DPP6: variants seen among roughly 807,000 people sequenced by gnomAD.
DPP6 encodes A-type potassium channel modulatory protein DPP6.
In DPP6, 69 loss-of-function variants were observed where a neutral mutation model predicts 122.6. The observed-to-expected ratio is 0.56, with a 90% CI of 0.46 to 0.69. DPP6 has a LOEUF of 0.69. DPP6 is among the 30% of genes least tolerant of loss of function. The pLI, the probability that DPP6 is intolerant of heterozygous loss-of-function variation, is 0.00. For missense variants in DPP6, 928 were observed against 1,116.9 expected (o/e 0.83, Z 2.41); for synonymous variants, 418 against 433.1 (o/e 0.97, Z 0.43).
At chr7:154,309,168 A>G (rs1806634112) in intron 1 of DPP6, among the ~76,000 whole-genome samples, 2 of 152,222 alleles carry the variant, frequency 1.3e-5, no homozygotes, top group Admixed American at 1.3e-4. Flanking sequence ...CCTACATTCC[A>G]CTGGCTAACT....
chr7:154,482,442 G>T (rs945900221), intron 3 of DPP6, among the ~76,000 whole-genome samples: 4 of 152,090 alleles, frequency 2.6e-5, no homozygotes, highest in Non-Finnish European at 5.9e-5. Context: ...CTACACATTT[G>T]TTATATGTAT....
chr7:154,810,618 C>G (rs746066030), intron 16 of DPP6, among the ~76,000 whole-genome samples: 4 of 152,228 alleles, frequency 2.6e-5, no homozygotes, highest in Non-Finnish European at 5.9e-5. Context: ...GGGAGGAAAA[C>G]AGAAGCAAAG....
At chr7:153,998,006 C>T (rs965459635) in intron 1 of DPP6, among the ~76,000 whole-genome samples, 1 of 151,502 alleles carries the variant, frequency 6.6e-6, no homozygotes, top group African/African-American at 2.5e-5. Flanking sequence ...AAAGGTCCAG[C>T]ACCATCAGGA....
chr7:153,808,210 TGTGCCTGAGTGTGC>T, the DPP6 span, among the ~76,000 whole-genome samples: 48 of 144,924 alleles, frequency 3.3e-4, no homozygotes, highest in East Asian at 2.5e-3. Context: ...CCTGAGTGTG[TGTGCCTGAGTGTGC>T]GTGCCTGAGT....
intron 1 of DPP6, among the ~76,000 whole-genome samples, chr7:153,891,757 G>A (rs1353042436): frequency 1.3e-5 from 2 of 152,308 alleles, no homozygotes; most frequent in Non-Finnish European, 2.9e-5. Context: ...ACATCTTGGG[G>A]ACTGTCCTGT....
chr7:154,692,718 G>A (rs73730207), intron 7 of DPP6, among the ~76,000 whole-genome samples: 6,891 of 151,712 alleles, frequency 0.045, 517 homozygotes, highest in African/African-American at 0.16. Context: ...CACTGAAAGC[G>A]CATCTACCCA....
intron 5 of DPP6, among the ~76,000 whole-genome samples, chr7:154,595,204 C>CA (rs1211459732): frequency 1.3e-5 from 2 of 152,140 alleles, no homozygotes; most frequent in East Asian, 3.9e-4. Flanking sequence ...TCTCCGTTGC[C>CA]ATCTTCCTGC....
At chr7:154,304,898 C>T (rs1806154771) in intron 1 of DPP6, among the ~76,000 whole-genome samples, 1 of 152,194 alleles carries the variant, frequency 6.6e-6, no homozygotes, top group African/African-American at 2.4e-5. Context: ...CTGGCGCGCC[C>T]TGCGTGGGGG....
chr7:154,020,481 G>T (rs563129663), intron 1 of DPP6, among the ~76,000 whole-genome samples: 2 of 151,868 alleles, frequency 1.3e-5, no homozygotes, highest in Admixed American at 6.6e-5. Flanking sequence ...TAGAGTCTCA[G>T]GTAGTTCAAG....
At chr7:154,803,292 C>T (rs1473414125) in intron 13 of DPP6, among the ~76,000 whole-genome samples, 1 of 152,198 alleles carries the variant, frequency 6.6e-6, no homozygotes, top group Admixed American at 6.5e-5. Context: ...TACCATTGGT[C>T]GTTACCATTG....
intron 4 of DPP6, among the ~76,000 whole-genome samples, chr7:154,550,923 T>C (rs1167690015): frequency 1.3e-5 from 2 of 152,068 alleles, no homozygotes; most frequent in African/African-American, 4.8e-5. Context: ...GCTAATTTTT[T>C]GTATTTTTAG....
At chr7:154,887,621 G>T in intron 22 of DPP6, 55 bp from the exon 23 acceptor site, 1 of 1,595,698 alleles carries the variant, frequency 6.3e-7, no homozygotes, top group Non-Finnish European at 8.6e-7. Flanking sequence ...TTTGGGGGCT[G>T]CGCTCACAGG....
chr7:154,637,600 T>C (rs1835807620), intron 5 of DPP6, among the ~76,000 whole-genome samples: 1 of 152,182 alleles, frequency 6.6e-6, no homozygotes, highest in Non-Finnish European at 1.5e-5. Flanking sequence ...GGAGATGACA[T>C]CAAGCCTCTG....
intron 7 of DPP6, among the ~76,000 whole-genome samples, chr7:154,682,558 G>C (rs1021497426): frequency 2.6e-5 from 4 of 152,230 alleles, no homozygotes; most frequent in African/African-American, 9.6e-5. Flanking sequence ...CGTGGAGACA[G>C]AGAGGGCACA....
intron 1 of DPP6, among the ~76,000 whole-genome samples, chr7:154,329,824 T>C (rs961262026): frequency 6.6e-6 from 1 of 152,178 alleles, no homozygotes; most frequent in African/African-American, 2.4e-5. Context: ...GTGGCACATA[T>C]ACACCATGGA....
At chr7:154,206,420 C>G (rs1026861323) in intron 1 of DPP6, among the ~76,000 whole-genome samples, 2 of 152,202 alleles carry the variant, frequency 1.3e-5, no homozygotes, top group Admixed American at 6.5e-5. Flanking sequence ...AAGGGAGAAG[C>G]CTTAAATTCC....
chr7:154,229,844 T>C lies in DPP6; in HGVS notation c.243+176781T>C, dbSNP rs538314595. Among the ~76,000 whole-genome samples the C allele has an allele frequency of 2.4e-4, 36 of 152,324 alleles. 1 individual carries two copies. The East Asian group carries it at 6.9e-3, about 29-fold the overall frequency. Reference sequence around the variant, plus strand: ...AACTAGATCCTGTTCAGACATGTTATAACAAATTAGTACAAGCTTATTTGG... The same window carrying C: ...AACTAGATCCTGTTCAGACATGTTACAACAAATTAGTACAAGCTTATTTGG... On this transcript the variant is annotated intron_variant, in intron 1 of 25. Coordinates refer to ENST00000377770, the MANE Select transcript of DPP6 (RefSeq NM_130797.4).
intron 1 of DPP6, among the ~76,000 whole-genome samples, chr7:154,408,035 G>A (rs1465867275): frequency 6.6e-6 from 1 of 152,198 alleles, no homozygotes; most frequent in Non-Finnish European, 1.5e-5. Flanking sequence ...CTTACTGAGT[G>A]CGCAAGAGGT....
intron 12 of DPP6, among the ~76,000 whole-genome samples, chr7:154,797,885 C>T (rs370841494): frequency 2.0e-5 from 3 of 152,242 alleles, no homozygotes; most frequent in South Asian, 4.1e-4. Flanking sequence ...GAGATGTTCA[C>T]GTTACATCCA....
Sources: gnomAD v4.1 joint callset for allele counts (sites outside exome capture counted in the v4.1 genomes callset) on GRCh38, gnomAD v4.1.1 for gene constraint, MANE v1.5 for transcripts, NCBI Gene and HGNC (gene_info 2026-07-23, HGNC 2026-07-21) for gene names.